Variants in NAALAD2 observed in about 807,000 individuals in gnomAD.
NAALAD2 encodes N-acetylated-alpha-linked acidic dipeptidase 2.
A neutral mutation model predicts 95.6 loss-of-function variants in NAALAD2; 89 were observed. That is an observed-to-expected ratio of 0.93 (90% CI 0.78 to 1.11). The LOEUF is 1.11. NAALAD2 is among the 50% of genes least tolerant of loss of function. NAALAD2 has a pLI of 0.00. For synonymous variants in NAALAD2, 264 were observed against 294.4 expected, an observed-to-expected ratio of 0.90 and a Z score of 1.06; for missense variants, 894 against 872.4, an observed-to-expected ratio of 1.02 and a Z score of -0.31.
At chr11:90,160,903 A>C (rs1256468255) in intron 8 of NAALAD2, among the ~76,000 whole-genome samples, 1 of 152,200 alleles carries the variant, frequency 6.6e-6, no homozygotes, top group Non-Finnish European at 1.5e-5. Context: ...CTCATGTCTC[A>C]CCTCACAGAG....
intron 16 of NAALAD2, 126 bp from the exon 17 acceptor site, chr11:90,181,494 A>G (rs770611417): frequency 6.1e-6 from 4 of 659,224 alleles, no homozygotes; most frequent in Admixed American, 2.9e-5. Flanking sequence ...TGGATCTGCA[A>G]GAAGACTCAG....
intron 11 of NAALAD2, among the ~76,000 whole-genome samples, 183 bp from the exon 12 acceptor site, chr11:90,168,746 G>A (rs941564439): frequency 6.6e-6 from 1 of 152,066 alleles, no homozygotes. Context: ...TATTAATTGC[G>A]TAATTGTTGT....
Position 90,150,474 on chromosome 11 carries a change from C to A in NAALAD2, c.484-8C>A. ...AGCAGTATTATATATATTTTCTTTT[C>A]CCTATAGGGAGATCTTGTATATGTG... is the stretch of plus-strand genomic sequence containing the variant. On this transcript the variant is annotated splice_region_variant and splice_polypyrimidine_tract_variant and intron_variant, in intron 4 of 18. Transcript: ENST00000534061. 6.4e-7 allele frequency: 1 copy of A among 1,558,716 alleles called. No individual in the cohort carries two copies. Among genetic ancestry groups the A allele is most frequent in the Non-Finnish European group, 8.7e-7 (1 of 1,146,684 alleles).
chr11:90,134,780 C>G lies in NAALAD2; in HGVS notation c.22C>G (p.Leu8Val), dbSNP rs763393068. MAESRGR[L>V]YLWMCLAAAL... ...AGCCATGGCGGAATCCAGGGGCCGT[C>G]TGTACCTTTGGATGTGCTTGGCTGC... is the stretch of plus-strand genomic sequence containing the variant. Residue 8 changes from leucine to valine, a missense_variant, in exon 1 of 19, where the codon CTG becomes GTG. Leu to Val is a conservative substitution (Grantham distance 32). Transcript: ENST00000534061. 1 of 1,614,124 alleles carries G rather than the reference C, an allele frequency of 6.2e-7. No homozygotes were observed. Among genetic ancestry groups the G allele is most frequent in the Non-Finnish European group, 8.5e-7 (1 of 1,180,036 alleles).
chr11:90,166,065 T>G (rs1952433462), intron 11 of NAALAD2, among the ~76,000 whole-genome samples: 1 of 152,194 alleles, frequency 6.6e-6, no homozygotes, highest in Admixed American at 6.5e-5. Flanking sequence ...TAATGGAAAC[T>G]CTGATTTTAT....
Position 90,158,126 on chromosome 11 carries a change from A to T in NAALAD2, c.797-19A>T. The stretch of plus-strand genomic sequence containing the variant: ...CAGATTTTTAAATTGTTTTCATTTT[A>T]TGCATTTGATTTTTTTAGAATACAC... On this transcript the variant is annotated intron_variant, in intron 6 of 18. Transcript: ENST00000534061. The T allele has an allele frequency of 6.5e-7, 1 of 1,527,108 alleles. No individual in the cohort carries two copies. The highest frequency in any genetic ancestry group is 9.0e-7 in the Non-Finnish European group (1 of 1,107,352). The allele number at this position is 1,527,108 out of a possible 1,614,324, so 94.6% of individuals were successfully genotyped here. A position where few individuals can be genotyped will look rare whatever the true frequency, so the allele number is the denominator to read the frequency against.
At chr11:90,165,331 C>G (rs1291702475) in intron 11 of NAALAD2, among the ~76,000 whole-genome samples, 2 of 152,118 alleles carry the variant, frequency 1.3e-5, no homozygotes, top group African/African-American at 4.8e-5. Context: ...TGGTTATATA[C>G]CCAGTAATGG....
Position 90,177,922 on chromosome 11 carries a change from T to G in NAALAD2, c.1663T>G (p.Phe555Val). 9 of 1,613,942 alleles carry G rather than the reference T, an allele frequency of 5.6e-6. No individual in the cohort carries two copies. Among genetic ancestry groups the G allele is most frequent in the Non-Finnish European group, 7.6e-6 (9 of 1,179,952 alleles). ...IYETFELVEKFYDPTFKKQLS... is the reference protein window; with the variant it reads ...IYETFELVEKVYDPTFKKQLS... Reference sequence around the variant, plus strand: ...TGAGACATTTGAATTGGTAGAGAAATTTTATGACCCCACATTTAAAAAACA... The same window carrying G: ...TGAGACATTTGAATTGGTAGAGAAAGTTTATGACCCCACATTTAAAAAACA... Residue 555 changes from phenylalanine (F) to valine (V), a missense_variant, in exon 16 of 19, where the codon TTT (phenylalanine) becomes GTT (valine). By Grantham distance (50) the Phe-to-Val change is conservative. Transcript: ENST00000534061.
chr11:90,147,400 C>G lies in NAALAD2; in HGVS notation c.265C>G (p.Gln89Glu), dbSNP rs779914375. 2.4e-5 allele frequency: 38 copies of G among 1,613,898 alleles called. No individual in the cohort carries two copies. Among genetic ancestry groups the G allele is most frequent in the Non-Finnish European group, 2.9e-5 (34 of 1,179,974 alleles). ...NFLLAKKIQT[Q>E]WKKFGLDSAK... ...CTTGCTTGCCAAGAAAATCCAAACC[C>G]AGTGGAAGAAATTTGGACTAGATTC... is the stretch of plus-strand genomic sequence containing the variant. Residue 89 changes from glutamine (Q) to glutamate (E), a missense_variant, in exon 3 of 19, where the codon CAG becomes GAG. Physicochemically the swap from Gln to Glu is conservative, Grantham distance 29 (BLOSUM62 2). Transcript: ENST00000534061.
chr11:90,162,956 A>G lies in NAALAD2; in HGVS notation c.997A>G (p.Arg333Gly). The G allele has an allele frequency of 6.6e-7, 1 of 1,511,768 alleles. No individual in the cohort carries two copies. The highest frequency in any genetic ancestry group is 9.1e-7 in the Non-Finnish European group (1 of 1,101,450). 93.6% of individuals were successfully genotyped at this position (1,511,768 alleles called of 1,614,324 possible). Residue 333 changes from arginine to glycine, a missense_variant, in exon 9 of 19, where the codon AGA becomes GGA. Coordinates refer to ENST00000534061, the MANE Select transcript of NAALAD2 (RefSeq NM_005467.4). The stretch of plus-strand genomic sequence containing the variant: ...TTCCTTTTAAAATTCTAGGAAGGTT[A>G]GAATGCATGTTTATAACATCAATAA... ...FTGSDSFRKV[R>G]MHVYNINKIT...
chr11:90,162,587 T>TG (rs1157768055), intron 8 of NAALAD2: 4 of 153,112 alleles, frequency 2.6e-5, no homozygotes, highest in Non-Finnish European at 4.4e-5. Context: ...CATAATTAAC[T>TG]GGGGTATATT....
At chr11:90,180,088 TG>T (rs1565546499) in intron 16 of NAALAD2, among the ~76,000 whole-genome samples, 11 of 151,846 alleles carry the variant, frequency 7.2e-5, no homozygotes, top group African/African-American at 2.4e-4. Flanking sequence ...AATGAATGAA[TG>T]AATGAATACA....
chr11:90,135,965 G>T (rs1452722511), intron 2 of NAALAD2, among the ~76,000 whole-genome samples: 1 of 151,874 alleles, frequency 6.6e-6, no homozygotes, highest in African/African-American at 2.4e-5. Flanking sequence ...TCAGTGCCTG[G>T]GTTTTAATCA....
intron 8 of NAALAD2, among the ~76,000 whole-genome samples, chr11:90,161,389 G>T (rs1277958769): frequency 1.3e-5 from 2 of 152,144 alleles, no homozygotes; most frequent in East Asian, 3.8e-4. Flanking sequence ...CATAATGGAT[G>T]AACCAAAGTT....
intron 18 of NAALAD2, among the ~76,000 whole-genome samples, chr11:90,188,838 G>A (rs927020828): frequency 3.9e-5 from 6 of 151,960 alleles, no homozygotes; most frequent in Admixed American, 2.0e-4. Flanking sequence ...ATTACTCCTC[G>A]TTTTTTCCCT....
chr11:90,154,912 ATGTATATATTATATACGTATACAT>A (rs1952002676), intron 6 of NAALAD2, among the ~76,000 whole-genome samples: 3 of 102,878 alleles, frequency 2.9e-5, no homozygotes, highest in Non-Finnish European at 5.8e-5. Context: ...ACGTATACAT[ATGTATATATTATATACGTATACAT>A]ATGTATATAT....
rs111532149 is a variant in NAALAD2 at position 90,173,783 on chromosome 11, G to A, written c.1411-41G>A. The A allele has an allele frequency of 1.3e-4, 182 of 1,432,290 alleles. No individual in the cohort carries two copies. The African/African-American group carries it at 2.1e-3, about 17-fold the overall frequency. 88.7% of individuals were successfully genotyped at this position (1,432,290 alleles called of 1,614,324 possible). A position where few individuals can be genotyped will look rare whatever the true frequency, so the allele number is the denominator to read the frequency against. On this transcript the variant is annotated intron_variant, in intron 13 of 18. Transcript: ENST00000534061. The stretch of plus-strand genomic sequence containing the variant: ...GTTTTATTTTGGCATAAATGTAGTT[G>A]CTTCTACCCCTAATTTCCAGTATTT...
At chr11:90,186,184 C>T (rs552326807) in intron 18 of NAALAD2, among the ~76,000 whole-genome samples, 3 of 151,568 alleles carry the variant, frequency 2.0e-5, no homozygotes, top group South Asian at 2.1e-4. Context: ...CTCCTCCCCC[C>T]ACCCCACCAC....
intron 11 of NAALAD2, 114 bp from the exon 12 acceptor site, chr11:90,168,811 CTATT>C: frequency 1.3e-6 from 1 of 753,352 alleles, no homozygotes; most frequent in South Asian, 1.7e-5. Flanking sequence ...ATGGACCTAG[CTATT>C]TAATTGTGAA....
Sources: gnomAD v4.1 joint callset for allele counts (sites outside exome capture counted in the v4.1 genomes callset) on GRCh38, gnomAD v4.1.1 for gene constraint, MANE v1.5 for transcripts, NCBI Gene and HGNC (gene_info 2026-07-23, HGNC 2026-07-21) for gene names.